QTMAN: variants seen among roughly 807,000 people sequenced by gnomAD.
The protein encoded by QTMAN is queuosine-tRNA mannosyltransferase, also known as tRNA-queuosine alpha-mannosyltransferase.
chr2:144,332,316 T>G, the QTMAN span: 1 of 149,692 alleles, frequency 6.7e-6, no homozygotes, highest in South Asian at 2.1e-4. Flanking sequence ...CCGCCGCTGC[T>G]GCCCCTCTGG....
the QTMAN span, among the ~76,000 whole-genome samples, chr2:144,236,101 T>C: frequency 6.6e-6 from 1 of 152,036 alleles, no homozygotes; most frequent in East Asian, 1.9e-4. Flanking sequence ...AATAAGTATC[T>C]CTGGGAGAAG....
At chr2:144,276,253 C>T in the QTMAN span, among the ~76,000 whole-genome samples, 3 of 152,080 alleles carry the variant, frequency 2.0e-5, 1 homozygote, top group African/African-American at 7.2e-5. Flanking sequence ...TACGATGTTG[C>T]CCAGGCTTGT....
the QTMAN span, among the ~76,000 whole-genome samples, chr2:144,284,587 C>CATGTATACATGTATAATAATA: frequency 1.3e-5 from 2 of 151,988 alleles, no homozygotes; most frequent in African/African-American, 4.8e-5. Flanking sequence ...TATGTCACTT[C>CATGTATACATGTATAATAATA]TACAATTATT....
At chr2:144,219,888 T>G in the QTMAN span, among the ~76,000 whole-genome samples, 4 of 152,190 alleles carry the variant, frequency 2.6e-5, no homozygotes, top group Non-Finnish European at 2.9e-5. Context: ...ACTGCTCTCA[T>G]CTCCAACATT....
chr2:143,966,198 G>T, the QTMAN span, among the ~76,000 whole-genome samples: 11 of 152,172 alleles, frequency 7.2e-5, no homozygotes, highest in Non-Finnish European at 1.2e-4. Context: ...GGTGGTTTCA[G>T]GCGAGTGACT....
At chr2:144,101,382 T>A in the QTMAN span, among the ~76,000 whole-genome samples, 1 of 125,226 alleles carries the variant, frequency 8.0e-6, no homozygotes. Context: ...TCAAATCATG[T>A]CTATCTCTCT....
the QTMAN span, chr2:143,947,140 A>G: frequency 6.9e-6 from 11 of 1,603,176 alleles, no homozygotes; most frequent in Non-Finnish European, 9.4e-6. Flanking sequence ...TTCACCCTGC[A>G]ACGAGGAGGA....
At chr2:144,195,234 G>A in the QTMAN span, among the ~76,000 whole-genome samples, 12 of 151,990 alleles carry the variant, frequency 7.9e-5, no homozygotes, top group African/African-American at 2.2e-4. Context: ...AAATTCCTTC[G>A]TTTCTGGAAC....
the QTMAN span, among the ~76,000 whole-genome samples, chr2:144,302,808 G>A: frequency 6.6e-6 from 1 of 152,098 alleles, no homozygotes; most frequent in African/African-American, 2.4e-5. Context: ...ATCCTAGTAA[G>A]AAAAGCACAG....
chr2:144,233,386 A>G, the QTMAN span, among the ~76,000 whole-genome samples: 1 of 152,220 alleles, frequency 6.6e-6, no homozygotes, highest in Non-Finnish European at 1.5e-5. Flanking sequence ...AAGGGGAATG[A>G]TATTTCTATT....
the QTMAN span, among the ~76,000 whole-genome samples, chr2:144,105,032 C>A: frequency 6.6e-6 from 1 of 152,246 alleles, no homozygotes; most frequent in Non-Finnish European, 1.5e-5. Context: ...TCCAACCGAC[C>A]TGCAGCTGAG....
chr2:144,052,931 G>A, the QTMAN span, among the ~76,000 whole-genome samples: 6 of 152,308 alleles, frequency 3.9e-5, no homozygotes, highest in South Asian at 1.0e-3. Context: ...TTACAGGCGT[G>A]AGCCACCACG....
chr2:143,996,677 G>A, the QTMAN span, among the ~76,000 whole-genome samples: 1 of 152,040 alleles, frequency 6.6e-6, no homozygotes, highest in Admixed American at 6.6e-5. Context: ...CCAAGTTTGA[G>A]GGTAAGTGGC....
the QTMAN span, among the ~76,000 whole-genome samples, chr2:144,101,078 C>T: frequency 6.6e-6 from 1 of 151,966 alleles, no homozygotes; most frequent in Non-Finnish European, 1.5e-5. Context: ...CCATGTTAGC[C>T]AGGATGGTCT....
the QTMAN span, among the ~76,000 whole-genome samples, chr2:144,278,358 G>A: frequency 6.6e-6 from 1 of 152,100 alleles, no homozygotes; most frequent in Non-Finnish European, 1.5e-5. Flanking sequence ...TAAGTGCAAA[G>A]AGTGGAAGAA....
At chr2:143,992,454 T>C in the QTMAN span, among the ~76,000 whole-genome samples, 248 of 149,602 alleles carry the variant, frequency 1.7e-3, no homozygotes, top group Middle Eastern at 0.014. Flanking sequence ...CACTTGTTTA[T>C]CTGCTGACCT....
At chr2:144,060,202 T>C in the QTMAN span, among the ~76,000 whole-genome samples, 2 of 152,126 alleles carry the variant, frequency 1.3e-5, no homozygotes, top group African/African-American at 4.8e-5. Context: ...ATACAGATTA[T>C]GTAGGTTAAC....
chr2:144,189,673 C>T, the QTMAN span, among the ~76,000 whole-genome samples: 1 of 151,858 alleles, frequency 6.6e-6, no homozygotes, highest in East Asian at 1.9e-4. Context: ...CTGCTGGAGT[C>T]CAGCGGTGCG....
chr2:144,072,701 A>G, the QTMAN span, among the ~76,000 whole-genome samples: 2 of 152,216 alleles, frequency 1.3e-5, no homozygotes, highest in Non-Finnish European at 2.9e-5. Flanking sequence ...GAGCCAGGCC[A>G]AACGCCTTCA....
Sources: gnomAD v4.1 joint callset for allele counts (sites outside exome capture counted in the v4.1 genomes callset) on GRCh38, gnomAD v4.1.1 for gene constraint, MANE v1.5 for transcripts, NCBI Gene and HGNC (gene_info 2026-07-23, HGNC 2026-07-21) for gene names.